DLC1: variants seen among roughly 807,000 people sequenced by gnomAD.
DLC1 encodes rho GTPase-activating protein 7.
In DLC1, 54 loss-of-function variants were observed where a neutral mutation model predicts 140.3. The observed-to-expected ratio is 0.38, with a 90% CI of 0.31 to 0.48. The LOEUF (loss-of-function observed/expected upper bound fraction) is 0.48. Ranked by LOEUF, DLC1 falls within the 20% of genes least tolerant of loss-of-function variation. The pLI, the probability that DLC1 is intolerant of heterozygous loss-of-function variation, is 0.96. For missense variants in DLC1, 2,536 were observed against 1,907.0 expected (o/e 1.33, Z -6.14); for synonymous variants, 986 against 728.1 (o/e 1.35, Z -5.70).
chr8:13,510,413 G>A (rs1563410681), intron 1 of DLC1, among the ~76,000 whole-genome samples: 1 of 152,070 alleles, frequency 6.6e-6, no homozygotes, highest in Non-Finnish European at 1.5e-5. Flanking sequence ...TTGACCTCAG[G>A]TGATCTGACT....
chr8:13,297,761 G>A (rs1183209229), intron 5 of DLC1, among the ~76,000 whole-genome samples: 1 of 152,160 alleles, frequency 6.6e-6, no homozygotes, highest in African/African-American at 2.4e-5. Flanking sequence ...CTTTGGATTT[G>A]CATATCTTGG....
intron 5 of DLC1, among the ~76,000 whole-genome samples, chr8:13,228,065 G>A (rs964336180): frequency 2.6e-5 from 4 of 152,126 alleles, no homozygotes; most frequent in Admixed American, 2.0e-4. Context: ...AAGAGACTAT[G>A]TATATCAGGG....
At chr8:13,283,349 TC>T (rs1831432423) in intron 5 of DLC1, among the ~76,000 whole-genome samples, 1 of 151,876 alleles carries the variant, frequency 6.6e-6, no homozygotes, top group Admixed American at 6.6e-5. Context: ...ACTTTTTTTT[TC>T]CAGAAAATAT....
chr8:13,466,405 C>T (rs534383129), intron 2 of DLC1, among the ~76,000 whole-genome samples: 2 of 152,328 alleles, frequency 1.3e-5, no homozygotes, highest in East Asian at 3.9e-4. Context: ...TCACTTGACA[C>T]ACTCTAACCT....
chr8:13,276,159 A>T, intron 5 of DLC1: 1 of 1,442,964 alleles, frequency 6.9e-7, no homozygotes, highest in Non-Finnish European at 9.2e-7. Context: ...CAACCAGCTG[A>T]TGAGATCATT....
chr8:13,418,572 A>G (rs866650530), intron 2 of DLC1, among the ~76,000 whole-genome samples: 1 of 152,074 alleles, frequency 6.6e-6, no homozygotes. Context: ...CCATTGATCT[A>G]TATCTCTATT....
At chr8:13,603,801 T>A (rs1296805708) in intron 1 of DLC1, among the ~76,000 whole-genome samples, 1 of 152,068 alleles carries the variant, frequency 6.6e-6, no homozygotes, top group Non-Finnish European at 1.5e-5. Flanking sequence ...TTCAATTAAC[T>A]CCCAACCTCA....
At chr8:13,181,076 C>G (rs1329945258) in intron 5 of DLC1, among the ~76,000 whole-genome samples, 1 of 151,864 alleles carries the variant, frequency 6.6e-6, no homozygotes, top group Non-Finnish European at 1.5e-5. Flanking sequence ...CTTCTGTTAC[C>G]TTTCTGGCCT....
intron 5 of DLC1, among the ~76,000 whole-genome samples, chr8:13,283,859 G>T (rs1474471540): frequency 2.0e-5 from 3 of 152,184 alleles, no homozygotes. Context: ...GGGAATGGAG[G>T]CAGCTAGAAT....
At chr8:13,274,953 T>C (rs1166467205) in intron 5 of DLC1, among the ~76,000 whole-genome samples, 1 of 152,234 alleles carries the variant, frequency 6.6e-6, no homozygotes, top group Non-Finnish European at 1.5e-5. Flanking sequence ...TTCTGGTTAA[T>C]TGCAAATGAG....
chr8:13,523,128 C>G (rs984765208), intron 1 of DLC1, among the ~76,000 whole-genome samples: 1 of 152,136 alleles, frequency 6.6e-6, no homozygotes, highest in Non-Finnish European at 1.5e-5. Context: ...ATCTACTTTA[C>G]ATTTTAATAA....
At chr8:13,227,377 C>T (rs796354936) in intron 5 of DLC1, among the ~76,000 whole-genome samples, 10 of 152,232 alleles carry the variant, frequency 6.6e-5, no homozygotes, top group South Asian at 6.2e-4. Context: ...GCAGCAGAAT[C>T]CTATAAACTG....
chr8:13,438,331 T>C (rs1839214870), intron 2 of DLC1, among the ~76,000 whole-genome samples: 1 of 152,190 alleles, frequency 6.6e-6, no homozygotes, highest in African/African-American at 2.4e-5. Flanking sequence ...GCTTAATCAA[T>C]AGTATTTTTG....
intron 5 of DLC1, among the ~76,000 whole-genome samples, chr8:13,255,033 G>T (rs1256084680): frequency 2.0e-5 from 3 of 151,664 alleles, no homozygotes; most frequent in African/African-American, 7.3e-5. Flanking sequence ...CTTGAGTGCA[G>T]TGGCGCAATC....
chr8:13,291,896 C>T (rs1457267700), intron 5 of DLC1, among the ~76,000 whole-genome samples: 1 of 152,060 alleles, frequency 6.6e-6, no homozygotes, highest in Admixed American at 6.6e-5. Context: ...CAAAGGTTTT[C>T]CAGATGTGGA....
Position 13,604,591 on chromosome 8 carries a change from C to T in DLC1, c.-180G>A, listed in dbSNP as rs952868210. On this transcript the variant is annotated 5_prime_UTR_variant, in exon 1 of 2. Transcript: ENST00000631382. The stretch of plus-strand genomic sequence containing the variant: ...AGAGTAGAGCAGATGAACTCACTGC[C>T]AATGTGTTGTCTGATAATCATGAGT... 4 of 152,144 alleles carry T rather than the reference C, an allele frequency of 2.6e-5. No homozygotes were observed. The South Asian group carries it at 8.3e-4, about 32-fold the overall frequency. 9.4% of individuals were successfully genotyped at this position (152,144 alleles called of 1,614,324 possible).
chr8:13,095,254 G>A lies in DLC1; in HGVS notation c.3168-9C>T, dbSNP rs1220700304. 1 of 1,614,102 alleles carries A rather than the reference G, an allele frequency of 6.2e-7. No individual in the cohort carries two copies. Among genetic ancestry groups the A allele is most frequent in the African/African-American group, 1.3e-5 (1 of 74,952 alleles). ...TGAACTTGGGCACGGCCCTGTTAAA[G>A]AACACAGAGATGGTGGTGTTGGCGG... is the stretch of plus-strand genomic sequence containing the variant. On this transcript the variant is annotated splice_polypyrimidine_tract_variant and intron_variant, in intron 10 of 17. Transcript: ENST00000276297.
At chr8:13,470,184 A>C (rs1039796181) in intron 2 of DLC1, among the ~76,000 whole-genome samples, 5 of 152,214 alleles carry the variant, frequency 3.3e-5, no homozygotes, top group African/African-American at 1.2e-4. Flanking sequence ...TATTTGTCTT[A>C]TCTGACTACA....
chr8:13,469,831 A>C (rs1405326028), intron 2 of DLC1, among the ~76,000 whole-genome samples: 2 of 152,214 alleles, frequency 1.3e-5, no homozygotes, highest in South Asian at 2.1e-4. Flanking sequence ...AATGCCCCAA[A>C]GATTCTGAGA....
Sources: gnomAD v4.1 joint callset for allele counts (sites outside exome capture counted in the v4.1 genomes callset) on GRCh38, gnomAD v4.1.1 for gene constraint, MANE v1.5 for transcripts, NCBI Gene and HGNC (gene_info 2026-07-23, HGNC 2026-07-21) for gene names.